RPP40: variants seen among roughly 807,000 people sequenced by gnomAD.
The protein encoded by RPP40 is ribonuclease P protein subunit p40.
A neutral mutation model predicts 42.5 loss-of-function variants in RPP40; 30 were observed. That is an observed-to-expected ratio of 0.71 (90% confidence interval 0.53 to 0.96). The LOEUF (loss-of-function observed/expected upper bound fraction) is 0.96, where lower values mean the gene tolerates loss of function less well. RPP40 is among the 40% of genes least tolerant of loss of function. RPP40 has a pLI of 0.00. For missense variants in RPP40, 426 were observed against 433.5 expected, an observed-to-expected ratio of 0.98 and a Z score of 0.15; for synonymous variants, 173 against 164.0, an observed-to-expected ratio of 1.05 and a Z score of -0.42.
chr6:4,997,910 C>T (rs1759429637), intron 5 of RPP40, among the ~76,000 whole-genome samples: 1 of 152,306 alleles, frequency 6.6e-6, no homozygotes, highest in East Asian at 1.9e-4. Context: ...TATCCAGAAT[C>T]CAACGTCTGG....
chr6:4,997,566 TCTCCCAC>T (rs1759419355), intron 5 of RPP40, among the ~76,000 whole-genome samples: 1 of 152,122 alleles, frequency 6.6e-6, no homozygotes, highest in Non-Finnish European at 1.5e-5. Context: ...CATCCCTGGG[TCTCCCAC>T]TTGCAGACAG....
chr6:4,993,037 T>C (rs1252898144), downstream of RPP40, among the ~76,000 whole-genome samples: 2 of 152,244 alleles, frequency 1.3e-5, no homozygotes, highest in Non-Finnish European at 2.9e-5. Context: ...CTCTTACATA[T>C]ATTATAAATC....
Position 5,001,642 on chromosome 6 carries a change from G to A in RPP40, c.268+459C>T, listed in dbSNP as rs112264780. The A allele has an allele frequency of 2.3e-3, 379 of 164,968 alleles. 1 individual carries two copies. The highest frequency in any genetic ancestry group is 8.7e-3 in the African/African-American group (365 of 41,744). The allele number at this position is 164,968 out of a possible 1,614,324, so 10.2% of individuals were successfully genotyped here. ...TGGAAATGGGGTGAGTAGAGGAGGG[G>A]TTATGGCTACAAAATCTAAGCAGAA... On this transcript the variant is annotated intron_variant, in intron 2 of 7. Transcript: ENST00000380051.
intron 5 of RPP40, among the ~76,000 whole-genome samples, chr6:4,997,690 T>C (rs556788982): frequency 2.0e-5 from 3 of 152,314 alleles, no homozygotes; most frequent in Middle Eastern, 6.8e-3. Flanking sequence ...GTCCTTTCTC[T>C]CTGGAGAACC....
chr6:4,997,574 T>C (rs1759419634), intron 5 of RPP40, among the ~76,000 whole-genome samples: 1 of 152,160 alleles, frequency 6.6e-6, no homozygotes. Context: ...GGTCTCCCAC[T>C]TGCAGACAGC....
At position 5,000,518 on chromosome 6, in the gene RPP40, A is replaced by AT. The variant is rs762699427; in HGVS notation, c.337+44dup. 5.1e-4 allele frequency: 480 copies of AT among 947,440 alleles called. 3 individuals carry two copies. Among genetic ancestry groups the AT allele is most frequent in the Middle Eastern group, 3.0e-3 (9 of 3,044 alleles). The allele number at this position is 947,440 out of a possible 1,614,324, so 58.7% of individuals were successfully genotyped here. A position where few individuals can be genotyped will look rare whatever the true frequency, so the allele number is the denominator to read the frequency against. ...TTTTTTTTTTTTTTTTACAGTATGCATTTTTTTTTAACAATTAAAGAAAGA... is the reference window on the plus strand; with the variant it reads ...TTTTTTTTTTTTTTTTACAGTATGCATTTTTTTTTTAACAATTAAAGAAAGA... On this transcript the variant is annotated intron_variant, in intron 3 of 7. Transcript: ENST00000380051.
At chr6:4,989,886 TTTTC>T (rs1040391886), downstream of RPP40, among the ~76,000 whole-genome samples, 3 of 152,178 alleles carry the variant, frequency 2.0e-5, no homozygotes, top group African/African-American at 4.8e-5. Flanking sequence ...GTGAATACAT[TTTTC>T]TTTCTTTCTT....
At chr6:4,993,962 A>G (rs980344129), downstream of RPP40, among the ~76,000 whole-genome samples, 3 of 152,014 alleles carry the variant, frequency 2.0e-5, no homozygotes, top group African/African-American at 7.2e-5. Context: ...TTCCCACCCC[A>G]GGCTATGAGA....
In RPP40 at chr6:4,995,089, A is replaced by C; in HGVS notation, c.1081T>G (p.Cys361Gly). Reference protein sequence around the residue: ...LQMAVGANDHCPP With the variant: ...LQMAVGANDHGPP ...TTAATTTTTATTTTTTATGGTGGACAGTGATCATTTGCCCCAACAGCCATC... is the reference window on the plus strand; with the variant it reads ...TTAATTTTTATTTTTTATGGTGGACCGTGATCATTTGCCCCAACAGCCATC... The change falls in exon 8 of 8, where the codon TGT (cysteine) becomes GGT (glycine). Residue 361 changes from cysteine (C) to glycine (G), a missense_variant. Coordinates refer to ENST00000380051, the MANE Select transcript of RPP40 (RefSeq NM_006638.4). 6 of 1,612,710 alleles carry C rather than the reference A, an allele frequency of 3.7e-6. No individual in the cohort carries two copies. The highest frequency in any genetic ancestry group is 5.1e-6 in the Non-Finnish European group (6 of 1,179,240).
Position 5,003,715 on chromosome 6 carries a change from G to A in RPP40, c.123+165C>T, listed in dbSNP as rs1284475121. 20 of 856,082 alleles carry A rather than the reference G, an allele frequency of 2.3e-5. No homozygotes were observed. In the East Asian group the frequency reaches 4.0e-4, roughly 17 times the overall value. The allele number at this position is 856,082 out of a possible 1,614,324, so 53.0% of individuals were successfully genotyped here. The stretch of plus-strand genomic sequence containing the variant: ...AGTCCTGTAGCCCTGCAAGCCACTG[G>A]CTTAGAGCAGTTAAGAGACTACAAC... On this transcript the variant is annotated intron_variant, in intron 1 of 7. Transcript: ENST00000380051.
Position 4,995,137 on chromosome 6 carries a change from TA to T in RPP40, c.1032del (p.Phe344LeufsTer23). The T allele has an allele frequency of 1.2e-6, 2 of 1,614,138 alleles. No homozygotes were observed. The highest frequency in any genetic ancestry group is 2.2e-5 in the South Asian group (2 of 91,084). On this transcript the variant is annotated frameshift_variant, in exon 8 of 8. Transcript: ENST00000380051. LOFTEE classifies it high-confidence loss of function. ...GGEHLYNFVI[F>X]NNQDYWLQMA... The stretch of plus-strand genomic sequence containing the variant: ...ATCTGAAGCCAATAGTCCTGATTAT[TA>T]AAAATCACAAAGTTATATAAATGTT...
At chr6:4,989,742 A>G (rs1033596187), downstream of RPP40, among the ~76,000 whole-genome samples, 11 of 152,146 alleles carry the variant, frequency 7.2e-5, no homozygotes, top group South Asian at 6.2e-4. Flanking sequence ...TCAATTATCA[A>G]TTTTTCATTG....
chr6:4,997,800 T>G (rs1285262797), intron 5 of RPP40, among the ~76,000 whole-genome samples: 1 of 152,174 alleles, frequency 6.6e-6, no homozygotes, highest in Non-Finnish European at 1.5e-5. Flanking sequence ...CCTGAGACTG[T>G]AGCAGGCTAC....
chr6:4,989,273 T>C, the RPP40 span, among the ~76,000 whole-genome samples: 1 of 152,236 alleles, frequency 6.6e-6, no homozygotes, highest in Non-Finnish European at 1.5e-5. Context: ...ATCATTGATC[T>C]ATTGGTATAT....
chr6:4,992,756 A>C (rs1759278568), downstream of RPP40, among the ~76,000 whole-genome samples: 1 of 152,138 alleles, frequency 6.6e-6, no homozygotes, highest in African/African-American at 2.4e-5. Flanking sequence ...TCTTCGATTC[A>C]TCCTAACTGT....
At chr6:5,002,760 G>T (rs561159043) in intron 1 of RPP40, among the ~76,000 whole-genome samples, 5 of 152,158 alleles carry the variant, frequency 3.3e-5, no homozygotes, top group Non-Finnish European at 5.9e-5. Flanking sequence ...TGCAACAGGC[G>T]AGTTAAAGTA....
rs769622136 is a variant in RPP40 at position 4,999,914 on chromosome 6, AAAT to A, written c.338-13_338-11del. The A allele has an allele frequency of 3.3e-6, 5 of 1,500,490 alleles. No homozygotes were observed. The highest frequency in any genetic ancestry group is 2.3e-5 in the East Asian group (1 of 44,228). 92.9% of individuals were successfully genotyped at this position (1,500,490 alleles called of 1,614,324 possible). A position where few individuals can be genotyped will look rare whatever the true frequency, so the allele number is the denominator to read the frequency against. ...GACAAAATTAATTTCCCTATAAATC[AAAT>A]AATAACTCCCATAAGATACCAAAAC... is the stretch of plus-strand genomic sequence containing the variant. On this transcript the variant is annotated splice_polypyrimidine_tract_variant and intron_variant, in intron 3 of 7. Coordinates refer to ENST00000380051, the MANE Select transcript of RPP40 (RefSeq NM_006638.4).
downstream of RPP40, among the ~76,000 whole-genome samples, chr6:4,990,758 G>C (rs893911963): frequency 3.3e-5 from 5 of 151,338 alleles, no homozygotes; most frequent in African/African-American, 1.2e-4. Flanking sequence ...TGGGAATACA[G>C]GTGCGAGCCA....
chr6:5,000,161 A>G (rs1057440289), intron 3 of RPP40, among the ~76,000 whole-genome samples: 2 of 152,240 alleles, frequency 1.3e-5, no homozygotes, highest in Non-Finnish European at 2.9e-5. Flanking sequence ...GATGAAATAA[A>G]TAAGTCATGG....
Sources: gnomAD v4.1 joint callset for allele counts (sites outside exome capture counted in the v4.1 genomes callset) on GRCh38, gnomAD v4.1.1 for gene constraint, MANE v1.5 for transcripts, NCBI Gene and HGNC (gene_info 2026-07-23, HGNC 2026-07-21) for gene names.